The following LARP7 variants were observed in gnomAD, a reference collection of about 807,000 sequenced individuals.
The protein encoded by LARP7 is La ribonucleoprotein 7, transcriptional regulator, also known as la-related protein 7.
Under a neutral mutation model 69.3 loss-of-function variants are expected in LARP7, and 52 were observed. That is an observed-to-expected ratio of 0.75 (90% confidence interval 0.60 to 0.95). The LOEUF is 0.95. Among genes scored for constraint, LARP7 ranks in the 40% least tolerant of loss-of-function variants. LARP7 has a pLI of 0.00. For synonymous variants in LARP7, 254 were observed against 215.9 expected, an observed-to-expected ratio of 1.18 and a Z score of -1.55; for missense variants, 733 against 673.0, an observed-to-expected ratio of 1.09 and a Z score of -0.99.
intron 1 of LARP7, chr4:112,637,543 T>TAAAG (rs1434430499): frequency 6.6e-6 from 1 of 152,182 alleles, no homozygotes; most frequent in African/African-American, 2.4e-5. Context: ...CAGTAGTCAA[T>TAAAG]AAAGAGAGTG....
intron 10 of LARP7, among the ~76,000 whole-genome samples, chr4:112,651,234 C>T (rs1474479581): frequency 6.6e-6 from 1 of 152,164 alleles, no homozygotes; most frequent in African/African-American, 2.4e-5. Flanking sequence ...TACTGACATT[C>T]ATCATCACTT....
chr4:112,644,945 C>CTTT (rs58234206), intron 2 of LARP7, 74 bp downstream of exon 2: 18,539 of 166,646 alleles, frequency 0.11, 1,837 homozygotes, highest in African/African-American at 0.23. Context: ...ATAATATATT[C>CTTT]TTTTTTTTTT....
intron 2 of LARP7, among the ~76,000 whole-genome samples, chr4:112,645,854 A>G (rs1051876506): frequency 6.6e-6 from 1 of 152,018 alleles, no homozygotes; most frequent in Non-Finnish European, 1.5e-5. Flanking sequence ...GCTTGTTTCT[A>G]ATAGGATGGG....
At chr4:112,652,779 A>G (rs1272348399) in intron 10 of LARP7, among the ~76,000 whole-genome samples, 2 of 149,998 alleles carry the variant, frequency 1.3e-5, no homozygotes, top group African/African-American at 4.9e-5. Context: ...GGGGGACACT[A>G]TTTCTGCTTT....
chr4:112,652,628 G>T (rs7693895), intron 10 of LARP7, among the ~76,000 whole-genome samples: 150,679 of 152,072 alleles, frequency 0.99, 74,666 homozygotes, highest in Middle Eastern at 1. Flanking sequence ...TATTAAAAGT[G>T]GAATGATTTG....
chr4:112,647,863 G>T, intron 8 of LARP7, 29 bp downstream of exon 8: 1 of 1,476,736 alleles, frequency 6.8e-7, no homozygotes. Flanking sequence ...TTCTGTCATT[G>T]GCTTAACAAT....
intron 10 of LARP7, among the ~76,000 whole-genome samples, chr4:112,652,070 T>C (rs951072758): frequency 6.6e-6 from 1 of 151,762 alleles, no homozygotes; most frequent in African/African-American, 2.4e-5. Context: ...TTGGGATGAG[T>C]TAAGATCTAG....
At chr4:112,643,327 T>G (rs2048032309) in intron 1 of LARP7, among the ~76,000 whole-genome samples, 1 of 152,182 alleles carries the variant, frequency 6.6e-6, no homozygotes, top group Non-Finnish European at 1.5e-5. Context: ...AAATAAACAC[T>G]TGAAGTAGGA....
chr4:112,644,811 G>A lies in LARP7; in HGVS notation c.142G>A (p.Asp48Asn), dbSNP rs761836331. Residue 48 changes from aspartate to asparagine, a missense_variant, in exon 2 of 13, where the codon GAT becomes AAT. Physicochemically the swap from Asp to Asn is conservative, Grantham distance 23. Transcript: ENST00000344442. The stretch of plus-strand genomic sequence containing the variant: ...TAAGCAAGTGGACTTCTGGTTTGGG[G>A]ATGCAAATCTTCACAAGGATAGATT... ...IAKQVDFWFG[D>N]ANLHKDRFLR... The A allele has an allele frequency of 9.3e-6, 15 of 1,608,430 alleles. No individual in the cohort carries two copies. The highest frequency in any genetic ancestry group is 1.3e-5 in the African/African-American group (1 of 74,908).
At chr4:112,648,640 A>G in intron 8 of LARP7, 1 of 422,360 alleles carries the variant, frequency 2.4e-6, no homozygotes, top group South Asian at 1.7e-5. Context: ...TTTAGAAGAA[A>G]AAAATTTTTT....
Position 112,649,702 on chromosome 4 carries a change from A to G in LARP7, c.1294+16A>G. The stretch of plus-strand genomic sequence containing the variant: ...AATGAAAAAAGTAAAGATCACTGAT[A>G]GTTTTGACAACATTATAATGTACTT... On this transcript the variant is annotated intron_variant, in intron 9 of 12. Coordinates refer to ENST00000344442, the MANE Select transcript of LARP7 (RefSeq NM_016648.4). 1.3e-6 allele frequency: 2 copies of G among 1,551,864 alleles called. No homozygotes were observed.
At chr4:112,637,277 G>T (rs932324186) in intron 1 of LARP7, 38 bp downstream of exon 1, 1 of 152,334 alleles carries the variant, frequency 6.6e-6, no homozygotes, top group Admixed American at 6.5e-5. Flanking sequence ...CACAGCTTGG[G>T]CGAAGTCTAA....
rs771789749 is a variant in LARP7 at position 112,647,221 on chromosome 4, G to A, written c.669G>A (p.Lys223=). ...CAGAAGAGAAGAAAAAGAAAAAGAA[G>A]AAGAAAGGCCGAATGAAAAAGGAAG... ...RVVEEKKKKK[K]KKGRMKKEDN... is the part of the protein sequence containing the mutation. The change falls in exon 7 of 13, where the codon AAG becomes AAA. Residue 223 remains lysine (K), a synonymous_variant. Coordinates refer to ENST00000344442, the MANE Select transcript of LARP7 (RefSeq NM_016648.4). 1.8e-5 allele frequency: 28 copies of A among 1,593,400 alleles called. No individual in the cohort carries two copies. Among genetic ancestry groups the A allele is most frequent in the African/African-American group, 8.2e-5 (6 of 73,076 alleles).
chr4:112,644,875 A>C lies in LARP7; in HGVS notation c.202+4A>C, dbSNP rs748722035. ...ATAGAAAAATCTAGAGATGGATGTAAGTTTGCTTCAGTAAAGGAACCAATT... is the reference window on the plus strand; with the variant it reads ...ATAGAAAAATCTAGAGATGGATGTACGTTTGCTTCAGTAAAGGAACCAATT... On this transcript the variant is annotated splice_donor_region_variant and intron_variant, in intron 2 of 12. Transcript: ENST00000344442. 2.6e-6 allele frequency: 4 copies of C among 1,528,916 alleles called. No homozygotes were observed. In the South Asian group the frequency reaches 5.2e-5, roughly 20 times the overall value. 94.7% of individuals were successfully genotyped at this position (1,528,916 alleles called of 1,614,324 possible).
At chr4:112,657,182 G>A in intron 12 of LARP7, 65 bp from the exon 13 acceptor site, 1 of 730,768 alleles carries the variant, frequency 1.4e-6, no homozygotes, top group Non-Finnish European at 2.2e-6. Flanking sequence ...GTGTGTGTGT[G>A]TGTGTGTGTG....
intron 1 of LARP7, among the ~76,000 whole-genome samples, chr4:112,638,289 G>A (rs2047786668): frequency 6.6e-6 from 1 of 151,796 alleles, no homozygotes; most frequent in African/African-American, 2.4e-5. Context: ...GAGAGAGGCT[G>A]CGTCTCCAAA....
At chr4:112,653,052 G>A in intron 10 of LARP7, 25 bp from the exon 11 acceptor site, 1 of 1,542,436 alleles carries the variant, frequency 6.5e-7, no homozygotes, top group South Asian at 1.2e-5. Flanking sequence ...AATTTTATTT[G>A]TCTTTCTACT....
intron 1 of LARP7, among the ~76,000 whole-genome samples, chr4:112,639,733 C>T (rs1286281034): frequency 3.9e-5 from 6 of 151,944 alleles, no homozygotes; most frequent in African/African-American, 9.7e-5. Context: ...ATTCTAGTGA[C>T]AGTTGTAGCA....
Position 112,647,121 on chromosome 4 carries a change from G to A in LARP7, c.640G>A (p.Val214Ile), listed in dbSNP as rs961016089. 3 of 1,604,640 alleles carry A rather than the reference G, an allele frequency of 1.9e-6. No individual in the cohort carries two copies. The highest frequency in any genetic ancestry group is 2.2e-5 in the East Asian group (1 of 44,842). The change falls in exon 6 of 13, where the codon GTT becomes ATT. Residue 214 changes from valine to isoleucine, a missense_variant. Transcript: ENST00000344442. ...AAATAAGCCCATTCCAGCCTTAAGA[G>A]TTGTGGGTGAGTATTTTTCAATATT... ...VKNKPIPALR[V>I]VEEKKKKKKK...
Sources: allele counts gnomAD v4.1 joint callset (sites outside exome capture counted in the v4.1 genomes callset), GRCh38; gene constraint gnomAD v4.1.1; transcripts MANE v1.5; gene names NCBI Gene and HGNC (gene_info 2026-07-23, HGNC 2026-07-21).